The following WDR35 variants were observed in gnomAD, a reference collection of about 807,000 sequenced individuals.
WDR35 encodes WD repeat-containing protein 35.
WDR35 carries 118 observed loss-of-function variants against 158.3 expected under a neutral mutation model. The ratio of observed to expected loss-of-function variants is 0.75; its 90% CI spans 0.64 to 0.87. The LOEUF (loss-of-function observed/expected upper bound fraction) is 0.87, where lower values mean the gene tolerates loss of function less well. Among genes scored for constraint, WDR35 ranks in the 40% least tolerant of loss-of-function variants. The probability of loss-of-function intolerance (pLI) is 0.00; values close to 1 mark genes in which losing one functional copy is unlikely to be tolerated. For synonymous variants in WDR35, 448 were observed against 476.1 expected (o/e 0.94, Z 0.77); for missense variants, 1,263 against 1,405.8 (o/e 0.90, Z 1.62).
rs575342994 is a variant in WDR35 at position 19,939,675 on chromosome 2, A to G, written c.1927-1274T>C. Among the ~76,000 whole-genome samples the G allele has an allele frequency of 2.6e-5, 4 of 152,346 alleles. No individual in the cohort carries two copies. In the South Asian group the frequency reaches 8.3e-4, roughly 32 times the overall value. Reference sequence around the variant, plus strand: ...GTTCTGATGTTTAACGGTAGTGACTAAAATATCTGAGTTGTGGGATTTAGG... The same window carrying G: ...GTTCTGATGTTTAACGGTAGTGACTGAAATATCTGAGTTGTGGGATTTAGG... On this transcript the variant is annotated intron_variant, in intron 17 of 26. Coordinates refer to ENST00000281405, the MANE Select transcript of WDR35 (RefSeq NM_020779.4).
At chr2:19,963,485 T>A (rs1436930217) in intron 10 of WDR35, among the ~76,000 whole-genome samples, 3 of 152,144 alleles carry the variant, frequency 2.0e-5, no homozygotes, top group Admixed American at 2.0e-4. Context: ...TAGTCTATTG[T>A]TATCCCCTTA....
At chr2:19,957,854 G>A (rs1291307553) in intron 11 of WDR35, among the ~76,000 whole-genome samples, 2 of 151,920 alleles carry the variant, frequency 1.3e-5, no homozygotes, top group African/African-American at 2.4e-5. Context: ...TGCCCAGCTT[G>A]GAAAAAAAGT....
Position 19,911,774 on chromosome 2 carries a change from T to G in WDR35, c.*1784A>C, listed in dbSNP as rs1195016755. ...AAGATACCAAATATTCATGATACACTAAGTATGCATGAGACATATAAAGCC... is the reference window on the plus strand; with the variant it reads ...AAGATACCAAATATTCATGATACACGAAGTATGCATGAGACATATAAAGCC... On this transcript the variant is annotated 3_prime_UTR_variant, in exon 27 of 27. Transcript: ENST00000281405. 1.3e-5 allele frequency: 2 copies of G among 152,238 alleles called. No homozygotes were observed. Among genetic ancestry groups the G allele is most frequent in the Non-Finnish European group, 2.9e-5 (2 of 68,048 alleles). 9.4% of individuals were successfully genotyped at this position (152,238 alleles called of 1,614,324 possible). A position where few individuals can be genotyped will look rare whatever the true frequency, so the allele number is the denominator to read the frequency against.
intron 11 of WDR35, among the ~76,000 whole-genome samples, chr2:19,958,986 G>T (rs1671542792): frequency 6.6e-6 from 1 of 152,112 alleles, no homozygotes; most frequent in African/African-American, 2.4e-5. Flanking sequence ...ATCACTCACA[G>T]ACTTTTTTTA....
intron 12 of WDR35, 119 bp from the exon 13 acceptor site, chr2:19,951,603 ATTATT>A (rs998448592): frequency 1.2e-6 from 1 of 807,962 alleles, no homozygotes; most frequent in Non-Finnish European, 1.9e-6. Flanking sequence ...AAAAATTCTG[ATTATT>A]TTAGAGAGTT....
intron 25 of WDR35, among the ~76,000 whole-genome samples, chr2:19,929,203 T>C (rs768869141): frequency 4.1e-4 from 63 of 152,290 alleles, no homozygotes; most frequent in Admixed American, 7.8e-4. Context: ...AAAATCAATA[T>C]ATATGAAAGA....
chr2:19,940,189 C>CAAAAAAAAA, intron 17 of WDR35, among the ~76,000 whole-genome samples: 1 of 80,246 alleles, frequency 1.2e-5, no homozygotes, highest in Non-Finnish European at 2.7e-5. Context: ...CCCATCTCTA[C>CAAAAAAAAA]AAAAAAAAAA....
Position 19,978,842 on chromosome 2 carries a change from T to C in WDR35, c.345A>G (p.Lys115=). The C allele has an allele frequency of 6.2e-7, 1 of 1,613,840 alleles. No individual in the cohort carries two copies. Among genetic ancestry groups the C allele is most frequent in the Non-Finnish European group, 8.5e-7 (1 of 1,179,852 alleles). ...TCCAGCTCATACTGCGAACAACTGA[T>C]TTATTTCGATTGTTGATCATCTCCT... The part of the protein sequence containing the change: ...WIEEMINNRN[K]SVVRSMSWNA... The change falls in exon 5 of 27, where the codon AAA becomes AAG. Residue 115 remains lysine, a synonymous_variant. Coordinates refer to ENST00000281405, the MANE Select transcript of WDR35 (RefSeq NM_020779.4).
At chr2:19,959,536 TA>T (rs1671564241) in intron 11 of WDR35, among the ~76,000 whole-genome samples, 1 of 152,056 alleles carries the variant, frequency 6.6e-6, no homozygotes. Context: ...GCAATGAATG[TA>T]AGACATGAAG....
intron 22 of WDR35, 85 bp downstream of exon 22, chr2:19,933,316 A>T: frequency 9.1e-7 from 1 of 1,104,210 alleles, no homozygotes; most frequent in Non-Finnish European, 1.4e-6. Context: ...AATCTTTAAA[A>T]GATCACTAGG....
chr2:19,967,702 A>G (rs1315576791), intron 9 of WDR35, among the ~76,000 whole-genome samples: 1 of 152,124 alleles, frequency 6.6e-6, no homozygotes, highest in Non-Finnish European at 1.5e-5. Flanking sequence ...TATCCTGATT[A>G]CTTTCTAAAA....
At chr2:19,924,286 C>T (rs571099703) in intron 25 of WDR35, among the ~76,000 whole-genome samples, 8 of 152,122 alleles carry the variant, frequency 5.3e-5, no homozygotes, top group African/African-American at 4.8e-5. Context: ...GATTGCAGGC[C>T]GGGTGCAGTG....
intron 12 of WDR35, chr2:19,951,705 C>T: frequency 7.2e-6 from 3 of 417,866 alleles, no homozygotes; most frequent in Non-Finnish European, 1.3e-5. Context: ...GAAAGCTGTA[C>T]CAAAAACATA....
chr2:19,953,588 AC>A (rs1233011156), intron 12 of WDR35, among the ~76,000 whole-genome samples: 2 of 152,314 alleles, frequency 1.3e-5, no homozygotes, highest in Middle Eastern at 6.8e-3. Flanking sequence ...GTAAGTGAGG[AC>A]AGCCATTTCC....
intron 22 of WDR35, among the ~76,000 whole-genome samples, chr2:19,932,960 T>A (rs1415937167): frequency 1.3e-5 from 2 of 152,184 alleles, no homozygotes; most frequent in African/African-American, 4.8e-5. Context: ...CAAATGTATG[T>A]TTTCTATAAA....
chr2:19,973,865 T>C (rs1287944768), intron 7 of WDR35, among the ~76,000 whole-genome samples, 157 bp from the exon 8 acceptor site: 1 of 152,250 alleles, frequency 6.6e-6, no homozygotes, highest in African/African-American at 2.4e-5. Context: ...CCCAACACTT[T>C]AGGAGGCTGA....
rs377144231 is a variant in WDR35 at position 19,974,644 on chromosome 2, T to C, written c.571-11A>G. 4 of 1,610,128 alleles carry C rather than the reference T, an allele frequency of 2.5e-6. No homozygotes were observed. The African/African-American group carries it at 4.0e-5, about 16-fold the overall frequency. On this transcript the variant is annotated splice_polypyrimidine_tract_variant and intron_variant, in intron 6 of 26. Transcript: ENST00000281405. ...CAGTTTCATTTTTATCTAAATAAAA[T>C]TGGTTAGGTTTAATATTTTACATTT...
chr2:19,980,609 G>T, intron 4 of WDR35, 82 bp downstream of exon 4: 1 of 1,121,834 alleles, frequency 8.9e-7, no homozygotes, highest in Non-Finnish European at 1.4e-6. Flanking sequence ...GTCTATTTTG[G>T]AGATGTTATT....
chr2:19,949,628 C>CT (rs1472912008), intron 13 of WDR35, among the ~76,000 whole-genome samples: 2 of 152,196 alleles, frequency 1.3e-5, no homozygotes, highest in Non-Finnish European at 2.9e-5. Flanking sequence ...CTAATGGCTA[C>CT]TGCACTGGAG....
Sources: allele counts gnomAD v4.1 joint callset (sites outside exome capture counted in the v4.1 genomes callset), GRCh38; gene constraint gnomAD v4.1.1; transcripts MANE v1.5; gene names NCBI Gene and HGNC (gene_info 2026-07-23, HGNC 2026-07-21).